RBFOX3: variants seen among roughly 807,000 people sequenced by gnomAD.
The protein encoded by RBFOX3 is RNA binding protein fox-1 homolog 3.
A neutral mutation model predicts 48.7 loss-of-function variants in RBFOX3; 17 were observed. The observed-to-expected ratio is 0.35, with a 90% CI of 0.24 to 0.52. The LOEUF is 0.52. RBFOX3 is among the 20% of genes least tolerant of loss of function. The pLI, the probability that RBFOX3 is intolerant of heterozygous loss-of-function variation, is 0.94. For missense variants in RBFOX3, 382 were observed against 497.5 expected (o/e 0.77, Z 2.21); for synonymous variants, 212 against 209.5 (o/e 1.01, Z -0.10).
At chr17:79,298,076 A>G (rs986310383) in intron 3 of RBFOX3, 26 of 152,190 alleles carry the variant, frequency 1.7e-4, no homozygotes, top group African/African-American at 6.3e-4. Flanking sequence ...AGTTAAAGGT[A>G]GATATGAGCC....
chr17:79,132,997 G>A (rs1410197963), intron 4 of RBFOX3, among the ~76,000 whole-genome samples: 1 of 152,178 alleles, frequency 6.6e-6, no homozygotes, highest in Non-Finnish European at 1.5e-5. Context: ...TCACACACGA[G>A]CAAAGTGGCC....
chr17:79,660,848 T>C, the RBFOX3 span, among the ~76,000 whole-genome samples: 1 of 152,218 alleles, frequency 6.6e-6, no homozygotes, highest in East Asian at 1.9e-4. Flanking sequence ...ACTGCAGTAC[T>C]ATTCACAATT....
chr17:79,113,627 G>C (rs2032867798), intron 5 of RBFOX3, among the ~76,000 whole-genome samples: 1 of 152,144 alleles, frequency 6.6e-6, no homozygotes, highest in South Asian at 2.1e-4. Flanking sequence ...CATCCTCCTG[G>C]TTGGAGAGTA....
intron 2 of RBFOX3, among the ~76,000 whole-genome samples, chr17:79,406,296 C>T (rs991548871): frequency 6.6e-6 from 1 of 152,180 alleles, no homozygotes; most frequent in African/African-American, 2.4e-5. Flanking sequence ...GGGATGGGGT[C>T]GGCTCAGCAC....
At chr17:79,501,991 G>A (rs1173889740) in intron 1 of RBFOX3, among the ~76,000 whole-genome samples, 9 of 152,252 alleles carry the variant, frequency 5.9e-5, no homozygotes, top group East Asian at 1.9e-4. Context: ...GGCAGCACCC[G>A]GCCAGGGTGA....
intron 4 of RBFOX3, among the ~76,000 whole-genome samples, chr17:79,177,209 TC>T (rs58684385): frequency 7.3e-5 from 11 of 149,836 alleles, no homozygotes; most frequent in South Asian, 6.4e-4. Context: ...CCTCCTCCTC[TC>T]CCCCCCCGCC....
In RBFOX3 at chr17:79,205,838, C is replaced by CTT. The variant is rs11285839; in HGVS notation, c.-34+29926_-34+29927dup. On this transcript the variant is annotated intron_variant, in intron 4 of 14. Transcript: ENST00000693108. This position sits in a 1 kb window ranked among gnomAD's most constrained non-coding sequence, Gnocchi z 4.5. Reference sequence around the variant, plus strand: ...TCCATAAAGAGTCAAAAGCAGTTGGCTTTTTTTTTTTTTTTCCTTAAAGTA... The same window carrying CTT: ...TCCATAAAGAGTCAAAAGCAGTTGGCTTTTTTTTTTTTTTTTTCCTTAAAGTA... Among the ~76,000 whole-genome samples the CTT allele has an allele frequency of 3.8e-4, 55 of 146,424 alleles. No homozygotes were observed. The highest frequency in any genetic ancestry group is 1.2e-3 in the African/African-American group (47 of 39,674).
chr17:79,130,140 T>C (rs910994128), intron 4 of RBFOX3, among the ~76,000 whole-genome samples: 1 of 152,186 alleles, frequency 6.6e-6, no homozygotes, highest in African/African-American at 2.4e-5. Context: ...GCAGGTTTAA[T>C]ATCTTTTATT....
At chr17:79,601,219 G>A (rs2093698178) in intron 1 of RBFOX3, 1 of 152,246 alleles carries the variant, frequency 6.6e-6, no homozygotes, top group Non-Finnish European at 1.5e-5. Context: ...TCCCTTGCCA[G>A]GCTATAAAAC....
At chr17:79,388,208 C>A (rs527465473) in intron 2 of RBFOX3, among the ~76,000 whole-genome samples, 6 of 152,324 alleles carry the variant, frequency 3.9e-5, no homozygotes, top group Non-Finnish European at 8.8e-5. Context: ...AACTACGCAG[C>A]CCCCATGTGC....
At chr17:79,403,519 C>T (rs2063091501) in intron 2 of RBFOX3, among the ~76,000 whole-genome samples, 1 of 152,232 alleles carries the variant, frequency 6.6e-6, no homozygotes, top group South Asian at 2.1e-4. Flanking sequence ...ACTTCCACCC[C>T]CGTCAGCCCC....
intron 2 of RBFOX3, among the ~76,000 whole-genome samples, chr17:79,375,758 C>A (rs1397300081): frequency 6.6e-6 from 1 of 152,184 alleles, no homozygotes; most frequent in Non-Finnish European, 1.5e-5. Context: ...TTGAAAGGGG[C>A]CGCTGAGCCC....
intron 1 of RBFOX3, among the ~76,000 whole-genome samples, chr17:79,509,496 G>A (rs1033703596): frequency 1.3e-5 from 2 of 151,980 alleles, no homozygotes; most frequent in African/African-American, 4.8e-5. Context: ...TGCTCAGGCC[G>A]ACGGAGTCTG....
chr17:79,599,970 C>T (rs976089054), intron 1 of RBFOX3: 1 of 152,234 alleles, frequency 6.6e-6, no homozygotes, highest in African/African-American at 2.4e-5. Flanking sequence ...GGAGTGCTGG[C>T]ATCTCATTTC....
At chr17:79,659,547 A>C in the RBFOX3 span, among the ~76,000 whole-genome samples, 136 of 152,190 alleles carry the variant, frequency 8.9e-4, no homozygotes, top group Admixed American at 5.9e-3. Context: ...AGGGCTGTGC[A>C]TAGGCCAGGG....
chr17:79,519,989 C>T (rs1469902630), intron 1 of RBFOX3, among the ~76,000 whole-genome samples: 1 of 151,564 alleles, frequency 6.6e-6, no homozygotes, highest in Admixed American at 6.5e-5. Flanking sequence ...GTGGCTGTGC[C>T]GAGTTCTGAG....
chr17:79,364,344 T>A lies in RBFOX3; in HGVS notation c.-174-56520A>T, dbSNP rs936236100. On this transcript the variant is annotated intron_variant, in intron 2 of 14. Transcript: ENST00000693108. The surrounding 1 kb of genome is among the most constrained non-coding windows in gnomAD (Gnocchi z 5.1). The stretch of plus-strand genomic sequence containing the variant: ...ACAGTCCTGAACTGGACTTGCAGTC[T>A]ATAGAAGACACACGCTTGGGTGTTC... Among the ~76,000 whole-genome samples the A allele has an allele frequency of 1.3e-5, 2 of 152,218 alleles. No homozygotes were observed. The highest frequency in any genetic ancestry group is 4.8e-5 in the African/African-American group (2 of 41,452).
At position 79,528,644 on chromosome 17, in the gene RBFOX3, C is replaced by T. The variant is rs1305352576; in HGVS notation, c.-319-46046G>A. The stretch of plus-strand genomic sequence containing the variant: ...CTACATCCAATATAACTGGTGTTGT[C>T]CCAAGGAGAGGAGGGGATGCAGAGA... On this transcript the variant is annotated intron_variant, in intron 1 of 14. Transcript: ENST00000693108. 4.6e-5 allele frequency among the ~76,000 whole-genome samples: 7 copies of T among 151,908 alleles called. No individual in the cohort carries two copies. In the East Asian group the frequency reaches 1.4e-3, roughly 30 times the overall value.
intron 3 of RBFOX3, among the ~76,000 whole-genome samples, chr17:79,239,228 G>A (rs1048703751): frequency 6.6e-6 from 1 of 152,142 alleles, no homozygotes; most frequent in Non-Finnish European, 1.5e-5. Flanking sequence ...CCAATCCTGG[G>A]GGCGGGGGAA....
Sources: gnomAD v4.1 joint callset for allele counts (sites outside exome capture counted in the v4.1 genomes callset) on GRCh38, gnomAD v4.1.1 for gene constraint, Gnocchi (gnomAD v3.1) non-coding constraint, MANE v1.5 for transcripts, NCBI Gene and HGNC (gene_info 2026-07-23, HGNC 2026-07-21) for gene names.